Variants in IFT46 observed in about 807,000 individuals in gnomAD.
IFT46 encodes intraflagellar transport 46, also known as intraflagellar transport protein 46 homolog.
IFT46 carries 19 observed loss-of-function variants against 39.6 expected under a neutral mutation model. The observed-to-expected ratio is 0.48, with a 90% CI of 0.33 to 0.70. The LOEUF (loss-of-function observed/expected upper bound fraction) is 0.70, where lower values mean the gene tolerates loss of function less well. Among genes scored for constraint, IFT46 ranks in the 30% least tolerant of loss-of-function variants. The pLI, the probability that IFT46 is intolerant of heterozygous loss-of-function variation, is 0.01. For missense variants in IFT46, 334 were observed against 364.8 expected (o/e 0.92, Z 0.69); for synonymous variants, 117 against 134.8 (o/e 0.87, Z 0.91).
chr11:118,568,606 C>T (rs1555071895), upstream of IFT46, among the ~76,000 whole-genome samples: 1 of 151,794 alleles, frequency 6.6e-6, no homozygotes, highest in Non-Finnish European at 1.5e-5. Context: ...TAAATGTGTA[C>T]AGTTGTTATC....
Position 118,544,676 on chromosome 11 carries a change from T to C in IFT46, c.*240A>G, listed in dbSNP as rs1488458843. The C allele has an allele frequency of 9.1e-6, 4 of 439,298 alleles. No individual in the cohort carries two copies. The highest frequency in any genetic ancestry group is 6.0e-5 in the African/African-American group (3 of 49,742). 27.2% of individuals were successfully genotyped at this position (439,298 alleles called of 1,614,324 possible). On this transcript the variant is annotated 3_prime_UTR_variant, in exon 12 of 12. Coordinates refer to ENST00000264021, the MANE Select transcript of IFT46 (RefSeq NM_001168618.2). ...GGGATCTCAGAAATTCCAATTCTTA[T>C]AACTCAAATCCCCACAGTGGTGTAG...
At chr11:118,576,121 A>C (rs1938493220), upstream of IFT46, among the ~76,000 whole-genome samples, 1 of 152,096 alleles carries the variant, frequency 6.6e-6, no homozygotes, top group Non-Finnish European at 1.5e-5. Flanking sequence ...AAGGTCACAT[A>C]ATTAGTGGCA....
intron 4 of IFT46, among the ~76,000 whole-genome samples, chr11:118,556,291 A>G (rs1555069466): frequency 6.6e-6 from 1 of 152,132 alleles, no homozygotes; most frequent in African/African-American, 2.4e-5. Context: ...GGAGATCGAG[A>G]CCATCCTGGC....
chr11:118,547,744 C>CTTTTTTTTTTTTTTTTT (rs1233612951), intron 9 of IFT46, among the ~76,000 whole-genome samples: 5 of 91,170 alleles, frequency 5.5e-5, no homozygotes, highest in South Asian at 5.5e-4. Context: ...CTTTTCTTTT[C>CTTTTTTTTTTTTTTTTT]TTTTTTTTTT....
At position 118,555,293 on chromosome 11, in the gene IFT46, A is replaced by G; in HGVS notation, c.215T>C (p.Leu72Ser). Residue 72 changes from leucine to serine, a missense_variant, in exon 5 of 12, where the codon TTG becomes TCG. Leu to Ser is a moderately radical substitution (Grantham distance 145). Coordinates refer to ENST00000264021, the MANE Select transcript of IFT46 (RefSeq NM_001168618.2). ...TTCCTTAATTTCAGCAGAAACTGGC[A>G]AATGCTCATAGTCTGCAGGGTCATA... ...GAYDPADYEH[L>S]PVSAEIKELF... is the part of the protein sequence containing the mutation. The G allele has an allele frequency of 6.2e-7, 1 of 1,614,106 alleles. No homozygotes were observed. Among genetic ancestry groups the G allele is most frequent in the Non-Finnish European group, 8.5e-7 (1 of 1,179,988 alleles).
chr11:118,554,725 AT>A (rs1937768732), intron 6 of IFT46, 138 bp from the exon 7 acceptor site: 10 of 927,444 alleles, frequency 1.1e-5, no homozygotes, highest in Admixed American at 2.9e-5. Flanking sequence ...CAGAAAAAAA[AT>A]ATTATCCATA....
intron 11 of IFT46, among the ~76,000 whole-genome samples, 167 bp downstream of exon 11, chr11:118,545,242 A>C (rs568166657): frequency 6.6e-6 from 1 of 152,202 alleles, no homozygotes; most frequent in South Asian, 2.1e-4. Flanking sequence ...TTTCCCCTTG[A>C]AAACTCCATC....
chr11:118,561,018 A>G (rs1591370495), intron 2 of IFT46: 23 of 1,497,322 alleles, frequency 1.5e-5, no homozygotes, highest in Non-Finnish European at 1.9e-5. Flanking sequence ...AGGCTTCCCA[A>G]TAGGTTTGGC....
intron 9 of IFT46, among the ~76,000 whole-genome samples, chr11:118,548,207 T>C (rs1951740011): frequency 6.6e-6 from 1 of 150,616 alleles, no homozygotes; most frequent in Non-Finnish European, 1.5e-5. Flanking sequence ...TATTAATATA[T>C]AAGAGCTCTT....
upstream of IFT46, among the ~76,000 whole-genome samples, chr11:118,576,450 C>A (rs111940618): frequency 0.086 from 3,740 of 43,444 alleles, 172 homozygotes; most frequent in African/African-American, 0.22. Context: ...AAAAAAAAAA[C>A]CAAAAACTTT....
upstream of IFT46, among the ~76,000 whole-genome samples, chr11:118,574,548 TA>T (rs879970834): frequency 3.4e-3 from 508 of 150,594 alleles, 1 homozygote; most frequent in African/African-American, 7.2e-3. Context: ...CTCTCTCCAT[TA>T]AAAAAAAATA....
rs781925933 is a variant in IFT46, at chr11:118,561,011, C to T, written c.-35-1147G>A. 25 of 1,477,974 alleles carry T rather than the reference C, an allele frequency of 1.7e-5. 1 individual carries two copies. The highest frequency in any genetic ancestry group is 2.1e-5 in the Non-Finnish European group (23 of 1,072,126). 91.6% of individuals were successfully genotyped at this position (1,477,974 alleles called of 1,614,324 possible). A position where few individuals can be genotyped will look rare whatever the true frequency, so the allele number is the denominator to read the frequency against. On this transcript the variant is annotated intron_variant, in intron 2 of 11. Transcript: ENST00000264021. ...TACTGGCCTGCTGCTGGCCCGCAGG[C>T]TTCCCAATAGGTTTGGCATGGACAA...
intron 2 of IFT46, chr11:118,561,224 T>C: frequency 7.3e-7 from 1 of 1,376,182 alleles, no homozygotes; most frequent in Non-Finnish European, 1.0e-6. Flanking sequence ...TACCAAACGA[T>C]TCCCTAGTTA....
At position 118,544,884 on chromosome 11, in the gene IFT46, C is replaced by T. The variant is rs782488831; in HGVS notation, c.*32G>A. On this transcript the variant is annotated 3_prime_UTR_variant, in exon 12 of 12. Coordinates refer to ENST00000264021, the MANE Select transcript of IFT46 (RefSeq NM_001168618.2). Reference sequence around the variant, plus strand: ...ATCTCAGCTGGGGCAGAGGGGCCAGCTCAGCCTTGAAACAGCAGCTTGGGA... The same window carrying T: ...ATCTCAGCTGGGGCAGAGGGGCCAGTTCAGCCTTGAAACAGCAGCTTGGGA... 5 of 1,508,516 alleles carry T rather than the reference C, an allele frequency of 3.3e-6. No homozygotes were observed. In the African/African-American group the frequency reaches 5.5e-5, roughly 17 times the overall value. 93.4% of individuals were successfully genotyped at this position (1,508,516 alleles called of 1,614,324 possible).
In IFT46 at chr11:118,544,801, C is replaced by T; in HGVS notation, c.*115G>A. Reference sequence around the variant, plus strand: ...AGAGAGGGCAGCAGGACATGCACTGCCCCTGAGCCAAGCTGTGGCATGGGC... The same window carrying T: ...AGAGAGGGCAGCAGGACATGCACTGTCCCTGAGCCAAGCTGTGGCATGGGC... On this transcript the variant is annotated 3_prime_UTR_variant, in exon 12 of 12. Coordinates refer to ENST00000264021, the MANE Select transcript of IFT46 (RefSeq NM_001168618.2). 1 of 734,178 alleles carries T rather than the reference C, an allele frequency of 1.4e-6. No individual in the cohort carries two copies. The highest frequency in any genetic ancestry group is 2.4e-6 in the Non-Finnish European group (1 of 414,388). The allele number at this position is 734,178 out of a possible 1,614,324, so 45.5% of individuals were successfully genotyped here.
intron 1 of IFT46, chr11:118,572,500 A>C: frequency 6.2e-7 from 1 of 1,608,788 alleles, no homozygotes; most frequent in South Asian, 1.1e-5. Flanking sequence ...CCCTACCCCT[A>C]TCCCCAGTGG....
At chr11:118,571,806 T>C (rs1436449107) in intron 1 of IFT46, among the ~76,000 whole-genome samples, 1 of 152,180 alleles carries the variant, frequency 6.6e-6, no homozygotes, top group Non-Finnish European at 1.5e-5. Context: ...TAAGAGTTCT[T>C]AGGCCAGGCG....
chr11:118,560,364 A>C (rs1938000166), intron 2 of IFT46: 4 of 172,540 alleles, frequency 2.3e-5, no homozygotes, highest in Non-Finnish European at 3.6e-5. Context: ...GGCTGCAGTG[A>C]GCAGTGTCCA....
intron 6 of IFT46, 150 bp downstream of exon 6, chr11:118,554,840 G>A (rs931520207): frequency 4.7e-5 from 32 of 681,364 alleles, no homozygotes; most frequent in Middle Eastern, 3.8e-4. Flanking sequence ...AGCAATGAGT[G>A]TAATTTGGAG....
Sources: gnomAD v4.1 joint callset for allele counts (sites outside exome capture counted in the v4.1 genomes callset) on GRCh38, gnomAD v4.1.1 for gene constraint, MANE v1.5 for transcripts, NCBI Gene and HGNC (gene_info 2026-07-23, HGNC 2026-07-21) for gene names.